The following EIF4E3 variants were observed in gnomAD, a reference collection of about 807,000 sequenced individuals.
EIF4E3 encodes the protein eukaryotic translation initiation factor 4E type 3.
Under a neutral mutation model 31.7 loss-of-function variants are expected in EIF4E3, and 26 were observed. The ratio of observed to expected loss-of-function variants is 0.82; its 90% CI spans 0.60 to 1.14. EIF4E3 has a LOEUF of 1.14. EIF4E3 is among the 50% of genes most tolerant of loss of function. The probability of loss-of-function intolerance (pLI) is 0.00; values close to 1 mark genes in which losing one functional copy is unlikely to be tolerated. For synonymous variants in EIF4E3, 128 were observed against 107.7 expected, an observed-to-expected ratio of 1.19 and a Z score of -1.17; for missense variants, 304 against 270.9, an observed-to-expected ratio of 1.12 and a Z score of -0.86.
At chr3:71,735,317 G>A (rs558005091) in intron 1 of EIF4E3, among the ~76,000 whole-genome samples, 34 of 152,198 alleles carry the variant, frequency 2.2e-4, no homozygotes, top group African/African-American at 6.5e-4. Context: ...GAATTGGTGC[G>A]TAAATAAAAA....
Position 71,690,127 on chromosome 3 carries a change from G to T in EIF4E3, c.511C>A (p.Arg171=). 1 of 1,613,174 alleles carries T rather than the reference G, an allele frequency of 6.2e-7. No homozygotes were observed. Among genetic ancestry groups the T allele is most frequent in the East Asian group, 2.2e-5 (1 of 44,816 alleles). The change falls in exon 6 of 7, where the codon CGA becomes AGA. Residue 171 remains arginine, a synonymous_variant. Coordinates refer to ENST00000425534, the MANE Select transcript of EIF4E3 (RefSeq NM_001134651.2). ...TTCCAGACTTGGACGACGTCTTCTC[G>T]GTCCCGAACACTGACACTAACTCCT... ...VIGVSVSVRD[R]EDVVQVWNVN... is the part of the protein sequence containing the mutation.
chr3:71,705,674 T>C (rs1236526126), intron 2 of EIF4E3, among the ~76,000 whole-genome samples: 2 of 152,314 alleles, frequency 1.3e-5, no homozygotes, highest in East Asian at 1.9e-4. Flanking sequence ...GAATTTTTAG[T>C]CTTGTAGCAG....
Position 71,682,161 on chromosome 3 carries a change from A to G in EIF4E3, c.*2521T>C, listed in dbSNP as rs1294964040. 1 of 152,218 alleles carries G rather than the reference A, an allele frequency of 6.6e-6. No individual in the cohort carries two copies. Among genetic ancestry groups the G allele is most frequent in the Non-Finnish European group, 1.5e-5 (1 of 68,034 alleles). The allele number at this position is 152,218 out of a possible 1,614,324, so 9.4% of individuals were successfully genotyped here. On this transcript the variant is annotated 3_prime_UTR_variant, in exon 7 of 7. Transcript: ENST00000425534. Reference sequence around the variant, plus strand: ...CCTGTGATATAACAATTTAGGGAATAATGGGAGAATAAAAAGCATATTAGT... The same window carrying G: ...CCTGTGATATAACAATTTAGGGAATGATGGGAGAATAAAAAGCATATTAGT...
rs542234682 is a variant in EIF4E3 at position 71,688,449 on chromosome 3, C to T, written c.628+1561G>A. 9.2e-5 allele frequency among the ~76,000 whole-genome samples: 14 copies of T among 152,220 alleles called. No homozygotes were observed. In the East Asian group the frequency reaches 2.5e-3, roughly 27 times the overall value. Reference sequence around the variant, plus strand: ...GGAGATCATCTAAGACCAACCTCCTCGATACTCAGATGAGAAAGGTAAAGG... The same window carrying T: ...GGAGATCATCTAAGACCAACCTCCTTGATACTCAGATGAGAAAGGTAAAGG... On this transcript the variant is annotated intron_variant, in intron 6 of 6. Transcript: ENST00000425534.
In EIF4E3 at chr3:71,677,885, T is replaced by C. The variant is rs1330956841; in HGVS notation, c.*6797A>G. On this transcript the variant is annotated 3_prime_UTR_variant, in exon 7 of 7. Coordinates refer to ENST00000425534, the MANE Select transcript of EIF4E3 (RefSeq NM_001134651.2). ...CAGCACAAAAGAGCAACGAGAGTAA[T>C]TGACTTATTCTAAAACGGAACCATT... 6.6e-6 allele frequency: 1 copy of C among 152,180 alleles called. No individual in the cohort carries two copies. Among genetic ancestry groups the C allele is most frequent in the Non-Finnish European group, 1.5e-5 (1 of 68,020 alleles). 9.4% of individuals were successfully genotyped at this position (152,180 alleles called of 1,614,324 possible). A position where few individuals can be genotyped will look rare whatever the true frequency, so the allele number is the denominator to read the frequency against.
At chr3:71,669,821 A>C in the EIF4E3 span, among the ~76,000 whole-genome samples, 1 of 152,248 alleles carries the variant, frequency 6.6e-6, no homozygotes, top group Admixed American at 6.5e-5. Context: ...AGAAGATCAA[A>C]GCAATCAACT....
chr3:71,731,354 T>C (rs1419507237), intron 1 of EIF4E3, among the ~76,000 whole-genome samples: 1 of 152,208 alleles, frequency 6.6e-6, no homozygotes, highest in African/African-American at 2.4e-5. Flanking sequence ...GCATATGCTG[T>C]TCTTTCTCCT....
chr3:71,663,396 A>T, the EIF4E3 span, among the ~76,000 whole-genome samples: 2 of 152,336 alleles, frequency 1.3e-5, no homozygotes, highest in East Asian at 3.9e-4. Context: ...TTGAATCAAG[A>T]ATCAGCTTAT....
chr3:71,725,286 G>A lies in EIF4E3; in HGVS notation c.82C>T (p.Pro28Ser), dbSNP rs2049616341. 9.9e-7 allele frequency: 1 copy of A among 1,012,198 alleles called. No individual in the cohort carries two copies. Among genetic ancestry groups the A allele is most frequent in the Non-Finnish European group, 1.2e-6 (1 of 848,862 alleles). 62.7% of individuals were successfully genotyped at this position (1,012,198 alleles called of 1,614,324 possible). A position where few individuals can be genotyped will look rare whatever the true frequency, so the allele number is the denominator to read the frequency against. The stretch of plus-strand genomic sequence containing the variant: ...TGCTGCAGGCCGAGCGGCGGCTCGG[G>A]GGCGGCGGCAGCGGCGGCGGCGCGG... ...GSRAAAAAAA[P>S]EPPLGLQQLS... Residue 28 changes from proline (P) to serine (S), a missense_variant, in exon 1 of 7, where the codon CCC becomes TCC. Physicochemically the swap from Pro to Ser is moderately conservative, Grantham distance 74. Coordinates refer to ENST00000425534, the MANE Select transcript of EIF4E3 (RefSeq NM_001134651.2). This position sits in a 1 kb window ranked among gnomAD's most constrained non-coding sequence, Gnocchi z 6.1.
At chr3:71,748,466 G>A (rs1480900737) in intron 1 of EIF4E3, among the ~76,000 whole-genome samples, 1 of 152,132 alleles carries the variant, frequency 6.6e-6, no homozygotes, top group Non-Finnish European at 1.5e-5. Context: ...GGGAGTCCCT[G>A]GAGATGAAGG....
intron 1 of EIF4E3, among the ~76,000 whole-genome samples, chr3:71,715,810 A>G (rs1281333969): frequency 6.6e-6 from 1 of 152,238 alleles, no homozygotes; most frequent in East Asian, 1.9e-4. Context: ...TGCACATATT[A>G]TCTCTAATTC....
At chr3:71,692,893 C>T (rs1298360767) in intron 5 of EIF4E3, among the ~76,000 whole-genome samples, 1 of 152,104 alleles carries the variant, frequency 6.6e-6, no homozygotes, top group Non-Finnish European at 1.5e-5. Context: ...CCACGCCCAG[C>T]GCAGGTTTTA....
At chr3:71,731,838 T>C (rs1378201840) in intron 1 of EIF4E3, among the ~76,000 whole-genome samples, 2 of 152,182 alleles carry the variant, frequency 1.3e-5, no homozygotes, top group Non-Finnish European at 2.9e-5. Flanking sequence ...GCCTTTGAAA[T>C]TGTCCACACC....
At position 71,678,349 on chromosome 3, in the gene EIF4E3, C is replaced by T. The variant is rs1339702308; in HGVS notation, c.*6333G>A. The T allele has an allele frequency of 2.0e-5, 3 of 152,200 alleles. No individual in the cohort carries two copies. Among genetic ancestry groups the T allele is most frequent in the African/African-American group, 7.2e-5 (3 of 41,458 alleles). 9.4% of individuals were successfully genotyped at this position (152,200 alleles called of 1,614,324 possible). On this transcript the variant is annotated 3_prime_UTR_variant, in exon 7 of 7. Transcript: ENST00000425534. ...ACACTTAAACAAACCCTGTGAACTACTACCCTGAAAAATGAAGAAGCACAA... is the reference window on the plus strand; with the variant it reads ...ACACTTAAACAAACCCTGTGAACTATTACCCTGAAAAATGAAGAAGCACAA...
downstream of EIF4E3, among the ~76,000 whole-genome samples, chr3:71,672,340 C>T (rs1374459711): frequency 1.3e-5 from 2 of 152,152 alleles, no homozygotes; most frequent in Non-Finnish European, 2.9e-5. Flanking sequence ...GGAAACTTTG[C>T]TCTTGAGAAA....
intron 5 of EIF4E3, among the ~76,000 whole-genome samples, chr3:71,691,880 T>G (rs1404926305): frequency 6.6e-6 from 1 of 152,196 alleles, no homozygotes; most frequent in Non-Finnish European, 1.5e-5. Context: ...AATCATCAAA[T>G]AAAAAGAGAA....
intron 6 of EIF4E3, among the ~76,000 whole-genome samples, chr3:71,686,117 C>G (rs2048987200): frequency 6.6e-6 from 1 of 152,166 alleles, no homozygotes; most frequent in Non-Finnish European, 1.5e-5. Flanking sequence ...TCCTGAGTAG[C>G]TGGGATTACA....
chr3:71,721,679 A>G (rs1055550999), intron 1 of EIF4E3, among the ~76,000 whole-genome samples: 4 of 152,178 alleles, frequency 2.6e-5, no homozygotes, highest in Non-Finnish European at 2.9e-5. Context: ...CCTGTGAAGA[A>G]GGTGCCTGCT....
intron 1 of EIF4E3, among the ~76,000 whole-genome samples, chr3:71,720,946 T>C (rs924264047): frequency 6.6e-6 from 1 of 152,006 alleles, no homozygotes; most frequent in Non-Finnish European, 1.5e-5. Context: ...AGAAAGAAGA[T>C]TCAAGGATCA....
Sources: gnomAD v4.1 joint callset for allele counts (sites outside exome capture counted in the v4.1 genomes callset) on GRCh38, gnomAD v4.1.1 for gene constraint, Gnocchi (gnomAD v3.1) non-coding constraint, MANE v1.5 for transcripts, NCBI Gene and HGNC (gene_info 2026-07-23, HGNC 2026-07-21) for gene names.